Variants in LRFN2 observed in about 807,000 individuals in gnomAD.
The protein encoded by LRFN2 is leucine rich repeat and fibronectin type III domain containing 2, also known as leucine-rich repeat and fibronectin type-III domain-containing protein 2.
LRFN2 carries 18 observed loss-of-function variants against 37.3 expected under a neutral mutation model. The ratio of observed to expected loss-of-function variants is 0.48; its 90% CI spans 0.33 to 0.72. LRFN2 has a LOEUF of 0.72. Ranked by LOEUF, LRFN2 falls within the 30% of genes least tolerant of loss-of-function variation. The probability of loss-of-function intolerance (pLI) is 0.02; values close to 1 mark genes in which losing one functional copy is unlikely to be tolerated. For missense variants in LRFN2, 1,006 were observed against 1,060.7 expected (o/e 0.95, Z 0.72); for synonymous variants, 556 against 466.6 (o/e 1.19, Z -2.47).
At chr6:40,543,336 G>A (rs146976574) in intron 1 of LRFN2, among the ~76,000 whole-genome samples, 42 of 152,338 alleles carry the variant, frequency 2.8e-4, no homozygotes, top group Admixed American at 2.5e-3. Context: ...TGTATGCACC[G>A]TCATGTATGT....
In LRFN2 at chr6:40,473,249, G is replaced by A. The variant is rs76728793; in HGVS notation, c.-18-40118C>T. On this transcript the variant is annotated intron_variant, in intron 1 of 2. Coordinates refer to ENST00000338305, the MANE Select transcript of LRFN2 (RefSeq NM_020737.3). ...GCCTCAGCCAGACTGCTTGTGAAGCGTCTCAGGTAGCATCCTGCCTCCTCC... is the reference window on the plus strand; with the variant it reads ...GCCTCAGCCAGACTGCTTGTGAAGCATCTCAGGTAGCATCCTGCCTCCTCC... Among the ~76,000 whole-genome samples, 1,218 of 152,272 alleles carry A rather than the reference G, an allele frequency of 8.0e-3. 19 individuals carry two copies. The highest frequency in any genetic ancestry group is 0.036 in the East Asian group (189 of 5,186).
At chr6:40,493,000 G>A (rs568900208) in intron 1 of LRFN2, among the ~76,000 whole-genome samples, 2 of 152,202 alleles carry the variant, frequency 1.3e-5, no homozygotes, top group East Asian at 3.9e-4. Context: ...TTACAGGCAT[G>A]AGGGGGAATG....
At chr6:40,500,620 G>A (rs1581754107) in intron 1 of LRFN2, among the ~76,000 whole-genome samples, 1 of 152,216 alleles carries the variant, frequency 6.6e-6, no homozygotes. Context: ...TTGTAATAAC[G>A]AAAGGTGGAA....
intron 2 of LRFN2, among the ~76,000 whole-genome samples, chr6:40,416,842 G>A (rs139885121): frequency 8.1e-4 from 124 of 152,298 alleles, no homozygotes; most frequent in African/African-American, 2.8e-3. Context: ...CCCATTAAAT[G>A]TGCAAAGAAA....
In LRFN2 at chr6:40,392,376, G is replaced by T; in HGVS notation, c.1937C>A (p.Ala646Asp). Residue 646 changes from alanine to aspartate, a missense_variant, in exon 3 of 3, where the codon GCC (alanine) becomes GAC (aspartate). Transcript: ENST00000338305. The surrounding 1 kb of genome is among the most constrained non-coding windows in gnomAD (Gnocchi z 4.7). ...GRAPWRIPPSAPRPKPSLDRL... is the reference protein window; with the variant it reads ...GRAPWRIPPSDPRPKPSLDRL... Reference sequence around the variant, plus strand: ...GTCAAGGCTGGGCTTGGGGCGCGGGGCGGAGGGTGGGATCCTCCAGGGGGC... The same window carrying T: ...GTCAAGGCTGGGCTTGGGGCGCGGGTCGGAGGGTGGGATCCTCCAGGGGGC... 1 of 1,593,914 alleles carries T rather than the reference G, an allele frequency of 6.3e-7. No homozygotes were observed. The highest frequency in any genetic ancestry group is 8.5e-7 in the Non-Finnish European group (1 of 1,170,588).
intron 1 of LRFN2, among the ~76,000 whole-genome samples, chr6:40,462,390 T>G (rs761983603): frequency 1.2e-4 from 18 of 152,080 alleles, no homozygotes; most frequent in Non-Finnish European, 2.6e-4. Context: ...TGAAGATGCC[T>G]CCTCCAGAAG....
At chr6:40,466,157 T>C (rs1764461288) in intron 1 of LRFN2, among the ~76,000 whole-genome samples, 1 of 152,098 alleles carries the variant, frequency 6.6e-6, no homozygotes. Context: ...GTCCAGGAGA[T>C]GTAATAAATA....
At chr6:40,401,050 A>G (rs1372517603) in intron 2 of LRFN2, among the ~76,000 whole-genome samples, 1 of 146,566 alleles carries the variant, frequency 6.8e-6, no homozygotes, top group Non-Finnish European at 1.5e-5. Flanking sequence ...GTGACTTCCT[A>G]TGTGACCTCT....
intron 2 of LRFN2, among the ~76,000 whole-genome samples, chr6:40,425,975 G>A (rs1446153133): frequency 6.6e-6 from 1 of 152,100 alleles, no homozygotes; most frequent in Non-Finnish European, 1.5e-5. Context: ...TAGCTCTTTG[G>A]GGTTTCTGTG....
In LRFN2 at chr6:40,459,056, G is replaced by A. The variant is rs555848890; in HGVS notation, c.-18-25925C>T. ...ACAAATGTTTTAGTTTATTTCATAC[G>A]TGGTTTCCAAGAACTCATGAGACCA... On this transcript the variant is annotated intron_variant, in intron 1 of 2. Coordinates refer to ENST00000338305, the MANE Select transcript of LRFN2 (RefSeq NM_020737.3). Among the ~76,000 whole-genome samples, 10 of 152,290 alleles carry A rather than the reference G, an allele frequency of 6.6e-5. No homozygotes were observed. The South Asian group carries it at 1.4e-3, about 22-fold the overall frequency.
chr6:40,547,125 A>G (rs1302390498), intron 1 of LRFN2, among the ~76,000 whole-genome samples: 1 of 137,156 alleles, frequency 7.3e-6, no homozygotes, highest in East Asian at 2.0e-4. Flanking sequence ...TTTTTTTGAG[A>G]TAGAGTTTTG....
At chr6:40,530,284 G>A (rs1015525220) in intron 1 of LRFN2, among the ~76,000 whole-genome samples, 1 of 152,176 alleles carries the variant, frequency 6.6e-6, no homozygotes, top group African/African-American at 2.4e-5. Flanking sequence ...ATTCAGATCA[G>A]GGCAATCAAT....
intron 1 of LRFN2, among the ~76,000 whole-genome samples, chr6:40,529,714 G>A (rs1228234127): frequency 6.6e-6 from 1 of 152,112 alleles, no homozygotes; most frequent in Non-Finnish European, 1.5e-5. Context: ...TATTAGCTGA[G>A]ACACTTCAGC....
chr6:40,427,021 G>A (rs1763369146), intron 2 of LRFN2, among the ~76,000 whole-genome samples: 1 of 152,232 alleles, frequency 6.6e-6, no homozygotes, highest in South Asian at 2.1e-4. Context: ...CTACAACTCT[G>A]AACCTAGGCA....
chr6:40,549,463 G>A (rs778462240), intron 1 of LRFN2, among the ~76,000 whole-genome samples: 5 of 152,228 alleles, frequency 3.3e-5, no homozygotes, highest in Non-Finnish European at 5.9e-5. Flanking sequence ...TACTTCATAT[G>A]GCTTTCAACA....
At chr6:40,413,311 C>A (rs183117521) in intron 2 of LRFN2, among the ~76,000 whole-genome samples, 71 of 152,366 alleles carry the variant, frequency 4.7e-4, no homozygotes, top group African/African-American at 1.6e-3. Flanking sequence ...TATGTCCCCA[C>A]ACCAGGGAAT....
At chr6:40,514,389 TC>T (rs1765799349) in intron 1 of LRFN2, among the ~76,000 whole-genome samples, 1 of 152,150 alleles carries the variant, frequency 6.6e-6, no homozygotes, top group Admixed American at 6.5e-5. Context: ...ATCTCAGCTC[TC>T]CGCAACCTCT....
chr6:40,548,305 G>A (rs142414082), intron 1 of LRFN2, among the ~76,000 whole-genome samples: 4,812 of 152,202 alleles, frequency 0.032, 99 homozygotes, highest in Admixed American at 0.041. Flanking sequence ...GCTGGACATG[G>A]TGGTGGGCAC....
chr6:40,486,142 TC>T lies in LRFN2; in HGVS notation c.-18-53012del, dbSNP rs112995138. ...TTTGGCCCTTCTGGCCTATGTACTT[TC>T]CTTTGAAGAATATGTAAGTCTAGAA... On this transcript the variant is annotated intron_variant, in intron 1 of 2. Transcript: ENST00000338305. Among the ~76,000 whole-genome samples, 913 of 152,314 alleles carry T rather than the reference TC, an allele frequency of 6.0e-3. 8 individuals are homozygous for T. Among genetic ancestry groups the T allele is most frequent in the Middle Eastern group, 0.027 (8 of 294 alleles).
Sources: allele counts gnomAD v4.1 joint callset (sites outside exome capture counted in the v4.1 genomes callset), GRCh38; gene constraint gnomAD v4.1.1; non-coding constraint Gnocchi (gnomAD v3.1); transcripts MANE v1.5; gene names NCBI Gene and HGNC (gene_info 2026-07-23, HGNC 2026-07-21).